MTUS2: variants seen among roughly 807,000 people sequenced by gnomAD.
MTUS2 encodes microtubule-associated tumor suppressor candidate 2.
Under a neutral mutation model 114.1 loss-of-function variants are expected in MTUS2, and 40 were observed. The ratio of observed to expected loss-of-function variants is 0.35; its 90% CI spans 0.27 to 0.46. MTUS2 has a LOEUF of 0.46. Among genes scored for constraint, MTUS2 ranks in the 20% least tolerant of loss-of-function variants. The pLI is 1.00. For missense variants in MTUS2, 1,679 were observed against 1,705.4 expected (o/e 0.98, Z 0.27); for synonymous variants, 688 against 672.0 (o/e 1.02, Z -0.37).
intron 5 of MTUS2, among the ~76,000 whole-genome samples, chr13:29,133,135 A>G (rs1247475889): frequency 3.9e-5 from 6 of 151,952 alleles, no homozygotes; most frequent in Admixed American, 3.9e-4. Context: ...GCATGTTTTC[A>G]TATGATTATT....
Position 28,883,573 on chromosome 13 carries a change from TTAACA to T in MTUS2, c.-243+43729_-243+43733del, listed in dbSNP as rs369998293. On this transcript the variant is annotated intron_variant, in intron 2 of 15. Coordinates refer to ENST00000612955, the MANE Select transcript of MTUS2 (RefSeq NM_001033602.4). ...AAAGGTTAAATACTATATGATTCTG[TTAACA>T]TAACACTTTTGAAGTAACAAAATTA... is the stretch of plus-strand genomic sequence containing the variant. Among the ~76,000 whole-genome samples, 328 of 152,244 alleles carry T rather than the reference TTAACA, an allele frequency of 2.2e-3. 1 individual carries two copies. Among genetic ancestry groups the T allele is most frequent in the African/African-American group, 7.3e-3 (302 of 41,548 alleles).
chr13:29,309,390 T>C (rs532418316), intron 6 of MTUS2, among the ~76,000 whole-genome samples: 2 of 151,940 alleles, frequency 1.3e-5, no homozygotes, highest in East Asian at 1.9e-4. Flanking sequence ...TGAGAACACA[T>C]GGATACATGA....
intron 14 of MTUS2, among the ~76,000 whole-genome samples, chr13:29,500,734 C>T (rs1882833208): frequency 1.3e-5 from 2 of 151,756 alleles, no homozygotes; most frequent in South Asian, 4.2e-4. Context: ...CATGGCTTAT[C>T]TCTGACAATG....
chr13:28,939,165 A>G (rs939555238), intron 2 of MTUS2, among the ~76,000 whole-genome samples: 5 of 152,192 alleles, frequency 3.3e-5, no homozygotes, highest in African/African-American at 1.2e-4. Context: ...TCTTAAGCTC[A>G]GTTTTCTCTT....
At chr13:29,467,477 T>C (rs1314612007) in intron 9 of MTUS2, among the ~76,000 whole-genome samples, 2 of 152,188 alleles carry the variant, frequency 1.3e-5, no homozygotes, top group East Asian at 1.9e-4. Flanking sequence ...TGTAGTGTAT[T>C]ATATGAACCG....
intron 2 of MTUS2, among the ~76,000 whole-genome samples, chr13:28,953,497 G>GA (rs1434675598): frequency 6.6e-6 from 1 of 152,190 alleles, no homozygotes; most frequent in Non-Finnish European, 1.5e-5. Flanking sequence ...CAACAAGAGT[G>GA]AAACTCTGTC....
At chr13:29,384,210 A>G (rs1872476528) in intron 8 of MTUS2, among the ~76,000 whole-genome samples, 1 of 152,254 alleles carries the variant, frequency 6.6e-6, no homozygotes, top group South Asian at 2.1e-4. Context: ...ATGGGAAGAA[A>G]CTTTCGTAGT....
intron 2 of MTUS2, among the ~76,000 whole-genome samples, chr13:28,968,624 A>G (rs923757872): frequency 3.9e-5 from 6 of 152,180 alleles, no homozygotes; most frequent in South Asian, 4.1e-4. Flanking sequence ...CAGTAATTCA[A>G]TCTTCATTAA....
chr13:29,015,002 C>G (rs965617608), intron 2 of MTUS2, among the ~76,000 whole-genome samples: 3 of 152,178 alleles, frequency 2.0e-5, no homozygotes, highest in Non-Finnish European at 4.4e-5. Context: ...CTCCCAGGTG[C>G]ACTGTGCTAG....
chr13:28,915,427 G>A (rs550171469), intron 2 of MTUS2, among the ~76,000 whole-genome samples: 2 of 151,980 alleles, frequency 1.3e-5, no homozygotes, highest in South Asian at 2.1e-4. Context: ...ATGTATGAGG[G>A]TTCTCTTTGC....
At chr13:29,033,353 TCCCTATTTTTCTGGAA>T (rs1471889644) in intron 3 of MTUS2, among the ~76,000 whole-genome samples, 1 of 152,166 alleles carries the variant, frequency 6.6e-6, no homozygotes, top group African/African-American at 2.4e-5. Flanking sequence ...TCCATTAACT[TCCCTATTTTTCTGGAA>T]AATGTTTCCT....
In MTUS2 at chr13:29,247,504, G is replaced by T. The variant is rs147282823; in HGVS notation, c.2645-34200G>T. On this transcript the variant is annotated intron_variant, in intron 5 of 15. Transcript: ENST00000612955. ...GTCGGAGAAAATCTTTGCAAACTAT[G>T]CATCTGATAAAGGACTAATAACCAG... is the stretch of plus-strand genomic sequence containing the variant. Among the ~76,000 whole-genome samples, 497 of 152,196 alleles carry T rather than the reference G, an allele frequency of 3.3e-3. 5 individuals are homozygous for T. The highest frequency in any genetic ancestry group is 0.011 in the African/African-American group (474 of 41,518).
At chr13:29,218,867 T>C (rs1327189621) in intron 5 of MTUS2, among the ~76,000 whole-genome samples, 1 of 152,214 alleles carries the variant, frequency 6.6e-6, no homozygotes, top group East Asian at 1.9e-4. Context: ...CACAGACGAT[T>C]TAGCATAATT....
chr13:28,978,467 A>G (rs1884216424), intron 2 of MTUS2, among the ~76,000 whole-genome samples: 1 of 152,218 alleles, frequency 6.6e-6, no homozygotes, highest in African/African-American at 2.4e-5. Context: ...GAGAAGGGGG[A>G]TATCATTTAT....
Position 29,077,231 on chromosome 13 carries a change from T to C in MTUS2, c.2447-23542T>C, listed in dbSNP as rs372260685. Among the ~76,000 whole-genome samples, 3 of 152,238 alleles carry C rather than the reference T, an allele frequency of 2.0e-5. No individual in the cohort carries two copies. The East Asian group carries it at 5.8e-4, about 29-fold the overall frequency. On this transcript the variant is annotated intron_variant, in intron 4 of 15. Coordinates refer to ENST00000612955, the MANE Select transcript of MTUS2 (RefSeq NM_001033602.4). ...GTGTTTAAAGAGGTTTGTCCCAGTG[T>C]GAAGAAAGCTTGATAAAAAACAGCT...
intron 5 of MTUS2, among the ~76,000 whole-genome samples, chr13:29,138,702 A>G (rs1471382416): frequency 2.0e-5 from 3 of 149,532 alleles, no homozygotes; most frequent in Admixed American, 6.7e-5. Flanking sequence ...TGTTTTTTAT[A>G]TGGGTAAAAT....
chr13:29,221,280 G>T (rs1489464796), intron 5 of MTUS2, among the ~76,000 whole-genome samples: 1 of 152,208 alleles, frequency 6.6e-6, no homozygotes, highest in Non-Finnish European at 1.5e-5. Context: ...TTAGTATATT[G>T]TTCTTACCTT....
chr13:29,382,346 G>A (rs373527253), intron 8 of MTUS2, among the ~76,000 whole-genome samples: 6 of 152,174 alleles, frequency 3.9e-5, no homozygotes, highest in African/African-American at 1.2e-4. Flanking sequence ...AGCAGACCAT[G>A]CAGTAGTCCA....
intron 2 of MTUS2, among the ~76,000 whole-genome samples, chr13:28,978,798 C>T (rs1172335822): frequency 2.6e-5 from 4 of 152,134 alleles, no homozygotes; most frequent in East Asian, 3.9e-4. Flanking sequence ...CTTGTGACGA[C>T]GGGTCAGTGG....
Sources: allele counts gnomAD v4.1 joint callset (sites outside exome capture counted in the v4.1 genomes callset), GRCh38; gene constraint gnomAD v4.1.1; transcripts MANE v1.5; gene names NCBI Gene and HGNC (gene_info 2026-07-23, HGNC 2026-07-21).